Variants in RPTOR observed in about 807,000 individuals in gnomAD.
RPTOR encodes regulatory associated protein of MTOR complex 1.
RPTOR carries 21 observed loss-of-function variants against 169.9 expected under a neutral mutation model. That is an observed-to-expected ratio of 0.12 (90% CI 0.09 to 0.18). The LOEUF is 0.18. Among genes scored for constraint, RPTOR ranks in the 10% least tolerant of loss-of-function variants. The probability of loss-of-function intolerance (pLI) is 1.00; values close to 1 mark genes in which losing one functional copy is unlikely to be tolerated. For missense variants in RPTOR, 1,133 were observed against 1,855.9 expected (o/e 0.61, Z 7.16); for synonymous variants, 732 against 753.2 (o/e 0.97, Z 0.46).
At chr17:80,822,088 C>CCTCCCTCGCTCAGAGCCTTT in intron 7 of RPTOR, 113 bp from the exon 8 acceptor site, 1 of 904,612 alleles carries the variant, frequency 1.1e-6, no homozygotes, top group South Asian at 1.4e-5. Flanking sequence ...TCAGAGCCTT[C>CCTCCCTCGCTCAGAGCCTTT]CTCCCTCGCT....
At chr17:80,858,197 G>A in intron 13 of RPTOR, 1 of 411,446 alleles carries the variant, frequency 2.4e-6, no homozygotes, top group Non-Finnish European at 4.5e-6. Context: ...CAGTCCCCCT[G>A]CCTGTGTCTG....
chr17:80,661,362 A>G (rs2065722298), intron 3 of RPTOR, among the ~76,000 whole-genome samples: 1 of 152,192 alleles, frequency 6.6e-6, no homozygotes. Flanking sequence ...GGAGAGGCAG[A>G]GGTGGAGGCC....
At position 80,965,670 on chromosome 17, in the gene RPTOR, G is replaced by C. The variant is rs1429118698; in HGVS notation, c.*1340G>C. On this transcript the variant is annotated 3_prime_UTR_variant, in exon 34 of 34. Coordinates refer to ENST00000306801, the MANE Select transcript of RPTOR (RefSeq NM_020761.3). ...GCCCGGCTCTCCTGCGGTGTGGCTG[G>C]TGGCCTGCCGTGGCCAAGAGCATCT... The C allele has an allele frequency of 4.3e-6, 1 of 233,214 alleles. No homozygotes were observed. Among genetic ancestry groups the C allele is most frequent in the Non-Finnish European group, 8.5e-6 (1 of 118,090 alleles). 14.4% of individuals were successfully genotyped at this position (233,214 alleles called of 1,614,324 possible).
intron 5 of RPTOR, among the ~76,000 whole-genome samples, chr17:80,752,507 C>T (rs1474645907): frequency 6.6e-6 from 1 of 152,218 alleles, no homozygotes; most frequent in Non-Finnish European, 1.5e-5. Flanking sequence ...TGTACATAAT[C>T]CCTCATGTGT....
chr17:80,925,541 T>C, intron 24 of RPTOR, 61 bp downstream of exon 24: 2 of 1,341,994 alleles, frequency 1.5e-6, no homozygotes, highest in Non-Finnish European at 2.1e-6. Flanking sequence ...GTCCCACTTC[T>C]TTGAGCATAA....
Position 80,849,476 on chromosome 17 carries a change from A to G in RPTOR, c.1314+2902A>G, listed in dbSNP as rs1444520205. Among the ~76,000 whole-genome samples, 3 of 152,320 alleles carry G rather than the reference A, an allele frequency of 2.0e-5. No individual in the cohort carries two copies. In the East Asian group the frequency reaches 5.8e-4, roughly 29 times the overall value. Reference sequence around the variant, plus strand: ...AATCAACAGAGGAACAAGAAGGAAGATACAATGTTTAAAAAAATTGCTGTT... The same window carrying G: ...AATCAACAGAGGAACAAGAAGGAAGGTACAATGTTTAAAAAAATTGCTGTT... On this transcript the variant is annotated intron_variant, in intron 11 of 33. Coordinates refer to ENST00000306801, the MANE Select transcript of RPTOR (RefSeq NM_020761.3).
Position 80,861,522 on chromosome 17 carries a change from T to G in RPTOR, c.1509+3622T>G, listed in dbSNP as rs1023490865. The stretch of plus-strand genomic sequence containing the variant: ...TTTGGCAGGAAGTCATTTTGAAACG[T>G]GGTTTCTGTCCTACACCCATATCTT... On this transcript the variant is annotated intron_variant, in intron 13 of 33. Transcript: ENST00000306801. This position sits in a 1 kb window ranked among gnomAD's most constrained non-coding sequence, Gnocchi z 4.5. Among the ~76,000 whole-genome samples, 3 of 106,084 alleles carry G rather than the reference T, an allele frequency of 2.8e-5. 1 individual carries two copies. Among genetic ancestry groups the G allele is most frequent in the Non-Finnish European group, 7.3e-5 (3 of 41,042 alleles). 69.6% of individuals were successfully genotyped at this position (106,084 alleles called of 152,430 possible).
rs899426319 is a variant in RPTOR at position 80,726,098 on chromosome 17, C to T, written c.508-4462C>T. ...TGGCCCTGGTGCTGAGAGGGACAGACGCCGCTCACAGAGAAGCGACCACAG... is the reference window on the plus strand; with the variant it reads ...TGGCCCTGGTGCTGAGAGGGACAGATGCCGCTCACAGAGAAGCGACCACAG... On this transcript the variant is annotated intron_variant, in intron 4 of 33. Transcript: ENST00000306801. This position sits in a 1 kb window ranked among gnomAD's most constrained non-coding sequence, Gnocchi z 4.5. Among the ~76,000 whole-genome samples the T allele has an allele frequency of 2.0e-5, 3 of 152,196 alleles. No homozygotes were observed. Among genetic ancestry groups the T allele is most frequent in the Admixed American group, 6.5e-5 (1 of 15,284 alleles).
intron 9 of RPTOR, among the ~76,000 whole-genome samples, chr17:80,826,540 C>T (rs957339349): frequency 6.6e-6 from 1 of 152,368 alleles, no homozygotes; most frequent in South Asian, 2.1e-4. Flanking sequence ...CCAGGTACAG[C>T]GGAGTGAACT....
chr17:80,795,175 G>A (rs1017589117), intron 7 of RPTOR, among the ~76,000 whole-genome samples: 4 of 152,240 alleles, frequency 2.6e-5, no homozygotes, highest in Non-Finnish European at 1.5e-5. Flanking sequence ...TGGGGAGCGA[G>A]GGGTGCAGGG....
At chr17:80,877,828 G>A (rs1403983717) in intron 13 of RPTOR, among the ~76,000 whole-genome samples, 3 of 152,172 alleles carry the variant, frequency 2.0e-5, no homozygotes, top group Non-Finnish European at 2.9e-5. Context: ...ATCTGAGGCC[G>A]GCGCCTGGCT....
intron 33 of RPTOR, among the ~76,000 whole-genome samples, 198 bp downstream of exon 33, chr17:80,963,255 GC>G (rs942242438): frequency 3.7e-4 from 56 of 152,080 alleles, no homozygotes; most frequent in Non-Finnish European, 6.5e-4. Context: ...CGGAAGCAGA[GC>G]CCCAGTCCCG....
At chr17:80,602,797 A>G (rs2143456549) in intron 1 of RPTOR, 1 of 694,688 alleles carries the variant, frequency 1.4e-6, no homozygotes, top group East Asian at 2.6e-5. Flanking sequence ...CTGAGTGCCC[A>G]AGGGGCACGC....
At chr17:80,762,726 A>T (rs2066747680) in intron 6 of RPTOR, among the ~76,000 whole-genome samples, 3 of 152,220 alleles carry the variant, frequency 2.0e-5, no homozygotes, top group Admixed American at 2.0e-4. Flanking sequence ...CCAAGAATAA[A>T]CCAGGAAGCT....
rs780019790 is a variant in RPTOR, at chr17:80,945,725, G to C, written c.3084G>C (p.Val1028=). The C allele has an allele frequency of 3.1e-6, 5 of 1,611,840 alleles. No individual in the cohort carries two copies. The highest frequency in any genetic ancestry group is 4.2e-6 in the Non-Finnish European group (5 of 1,179,300). ...ACAGGAACCCCGGCGTCCCCTCTGT[G>C]GTGAAATTCCACCCCTTCACGCCGT... ...FLNRNPGVPS[V]VKFHPFTPCI... is the part of the protein sequence containing the mutation. The change falls in exon 26 of 34, where the codon GTG becomes GTC. Residue 1028 remains valine, a synonymous_variant. Coordinates refer to ENST00000306801, the MANE Select transcript of RPTOR (RefSeq NM_020761.3).
rs2066151424 is a variant in RPTOR at position 80,707,588 on chromosome 17, C to T, written c.349-253C>T. 1.3e-5 allele frequency among the ~76,000 whole-genome samples: 2 copies of T among 151,558 alleles called. No individual in the cohort carries two copies. Among genetic ancestry groups the T allele is most frequent in the Non-Finnish European group, 2.9e-5 (2 of 67,968 alleles). On this transcript the variant is annotated intron_variant, in intron 3 of 33. Transcript: ENST00000306801. This position sits in a 1 kb window ranked among gnomAD's most constrained non-coding sequence, Gnocchi z 5.0. ...TTTTTTAATTGTAGAGATGGGGTCT[C>T]ATTCTGCTGCCCAGGCTGATCTTGA...
Position 80,746,643 on chromosome 17 carries a change from G to C in RPTOR, c.655-7367G>C, listed in dbSNP as rs187508542. On this transcript the variant is annotated intron_variant, in intron 5 of 33. Coordinates refer to ENST00000306801, the MANE Select transcript of RPTOR (RefSeq NM_020761.3). This position sits in a 1 kb window ranked among gnomAD's most constrained non-coding sequence, Gnocchi z 4.5. ...GGTGCACGCTCACCTTAGGCTTGCT[G>C]TTTGGGAAAACCATGGCTCTGGGCT... 1.3e-5 allele frequency among the ~76,000 whole-genome samples: 2 copies of C among 152,270 alleles called. No homozygotes were observed. Among genetic ancestry groups the C allele is most frequent in the African/African-American group, 4.8e-5 (2 of 41,538 alleles).
At chr17:80,865,913 T>A (rs1004252770) in intron 13 of RPTOR, among the ~76,000 whole-genome samples, 1 of 152,116 alleles carries the variant, frequency 6.6e-6, no homozygotes, top group East Asian at 1.9e-4. Context: ...TGTAAAGAAC[T>A]GAAGCCTTAC....
chr17:80,614,279 A>G (rs2065293021), intron 1 of RPTOR, among the ~76,000 whole-genome samples: 1 of 152,184 alleles, frequency 6.6e-6, no homozygotes, highest in Non-Finnish European at 1.5e-5. Context: ...GCCTGTCCTC[A>G]GTGTTTCAGA....
Sources: allele counts gnomAD v4.1 joint callset (sites outside exome capture counted in the v4.1 genomes callset), GRCh38; gene constraint gnomAD v4.1.1; non-coding constraint Gnocchi (gnomAD v3.1); transcripts MANE v1.5; gene names NCBI Gene and HGNC (gene_info 2026-07-23, HGNC 2026-07-21).